THSD7A: variants seen among roughly 807,000 people sequenced by gnomAD.
The protein encoded by THSD7A is thrombospondin type 1 domain containing 7A.
THSD7A carries 96 observed loss-of-function variants against 231.3 expected under a neutral mutation model. That is an observed-to-expected ratio of 0.41 (90% confidence interval 0.35 to 0.49). THSD7A has a LOEUF of 0.49. Among genes scored for constraint, THSD7A ranks in the 20% least tolerant of loss-of-function variants. The pLI is 0.05. For synonymous variants in THSD7A, 940 were observed against 743.3 expected (o/e 1.26, Z -4.30); for missense variants, 2,290 against 2,070.2 (o/e 1.11, Z -2.06).
chr7:11,568,656 C>CAAAAAAAAAAAAAAAAAAAAAAA (rs1562728058), intron 4 of THSD7A, among the ~76,000 whole-genome samples: 1 of 88,622 alleles, frequency 1.1e-5, no homozygotes, highest in Non-Finnish European at 2.2e-5. Flanking sequence ...AAAAAAAAAC[C>CAAAAAAAAAAAAAAAAAAAAAAA]AAAATCTGGA....
At chr7:11,479,899 A>G (rs900062810) in intron 7 of THSD7A, among the ~76,000 whole-genome samples, 7 of 152,086 alleles carry the variant, frequency 4.6e-5, no homozygotes, top group African/African-American at 7.2e-5. Context: ...TATATATTTC[A>G]AAATAGCTGG....
chr7:11,375,692 A>G lies in THSD7A; in HGVS notation c.*102T>C. On this transcript the variant is annotated 3_prime_UTR_variant, in exon 28 of 28. Transcript: ENST00000423059. ...TTTATGATGCCATTTTTAAAAATTA[A>G]AATATATTTTAATCCACACAGTTTG... is the stretch of plus-strand genomic sequence containing the variant. 1.0e-6 allele frequency: 1 copy of G among 970,220 alleles called. No individual in the cohort carries two copies. Among genetic ancestry groups the G allele is most frequent in the Non-Finnish European group, 1.6e-6 (1 of 635,874 alleles). The allele number at this position is 970,220 out of a possible 1,614,324, so 60.1% of individuals were successfully genotyped here.
intron 16 of THSD7A, among the ~76,000 whole-genome samples, chr7:11,418,379 T>C (rs1164371385): frequency 6.6e-6 from 1 of 152,166 alleles, no homozygotes; most frequent in Non-Finnish European, 1.5e-5. Flanking sequence ...CTAATTAACA[T>C]GGCTACTATC....
intron 6 of THSD7A, among the ~76,000 whole-genome samples, chr7:11,518,404 G>A (rs1583892237): frequency 6.6e-6 from 1 of 152,130 alleles, no homozygotes; most frequent in Non-Finnish European, 1.5e-5. Flanking sequence ...AAGGGTAGGA[G>A]AGTGTACTCT....
intron 1 of THSD7A, among the ~76,000 whole-genome samples, chr7:11,638,975 T>C (rs147333401): frequency 6.6e-6 from 1 of 152,164 alleles, no homozygotes; most frequent in African/African-American, 2.4e-5. Context: ...TATAAAATTT[T>C]CTAATTAATT....
At chr7:11,765,378 A>T (rs768946075) in intron 1 of THSD7A, among the ~76,000 whole-genome samples, 14 of 152,210 alleles carry the variant, frequency 9.2e-5, no homozygotes, top group Non-Finnish European at 1.9e-4. Context: ...TGTGTTAATG[A>T]GATATACTAG....
chr7:11,499,805 A>C, intron 6 of THSD7A, among the ~76,000 whole-genome samples: 1 of 152,208 alleles, frequency 6.6e-6, no homozygotes, highest in South Asian at 2.1e-4. Flanking sequence ...AACATCTGCG[A>C]AGTATGGGAT....
At chr7:11,821,912 T>C (rs1167734001) in intron 1 of THSD7A, among the ~76,000 whole-genome samples, 1 of 152,186 alleles carries the variant, frequency 6.6e-6, no homozygotes, top group Non-Finnish European at 1.5e-5. Flanking sequence ...AAATAACAAC[T>C]AGCTCAACAG....
chr7:11,794,506 C>A (rs112026510), intron 1 of THSD7A, among the ~76,000 whole-genome samples: 82 of 151,924 alleles, frequency 5.4e-4, no homozygotes, highest in Admixed American at 8.5e-4. Context: ...TTCTCTCCCC[C>A]CTGCCTCTTT....
intron 4 of THSD7A, among the ~76,000 whole-genome samples, chr7:11,565,893 T>G (rs1291033082): frequency 1.3e-5 from 2 of 152,204 alleles, no homozygotes; most frequent in African/African-American, 2.4e-5. Context: ...AGTTGCCAAC[T>G]GAATTGGCAG....
intron 1 of THSD7A, among the ~76,000 whole-genome samples, chr7:11,667,779 A>AT (rs1282870578): frequency 6.6e-6 from 1 of 152,150 alleles, no homozygotes; most frequent in African/African-American, 2.4e-5. Flanking sequence ...CTGTAAATTT[A>AT]TTTTTAACAA....
chr7:11,594,622 A>G (rs1202107412), intron 2 of THSD7A, among the ~76,000 whole-genome samples: 1 of 152,210 alleles, frequency 6.6e-6, no homozygotes, highest in Non-Finnish European at 1.5e-5. Context: ...ACCAAGAAAC[A>G]TAATGAAGCT....
intron 1 of THSD7A, among the ~76,000 whole-genome samples, chr7:11,736,325 T>C (rs999047488): frequency 6.6e-6 from 1 of 151,928 alleles, no homozygotes; most frequent in African/African-American, 2.4e-5. Flanking sequence ...CCAGGCATGG[T>C]GACTCACACA....
At position 11,407,064 on chromosome 7, in the gene THSD7A, G is replaced by T. The variant is rs773909108; in HGVS notation, c.3917-9C>A. ...TCTTCGGATCATTTTTCCTTGAAGAGATACAAAGTGATGCACCTTTAATAT... is the reference window on the plus strand; with the variant it reads ...TCTTCGGATCATTTTTCCTTGAAGATATACAAAGTGATGCACCTTTAATAT... On this transcript the variant is annotated splice_polypyrimidine_tract_variant and intron_variant, in intron 20 of 27. Transcript: ENST00000423059. The T allele has an allele frequency of 6.2e-7, 1 of 1,613,274 alleles. No individual in the cohort carries two copies. The highest frequency in any genetic ancestry group is 8.5e-7 in the Non-Finnish European group (1 of 1,179,678).
At chr7:11,653,601 C>G (rs1252133647) in intron 1 of THSD7A, among the ~76,000 whole-genome samples, 2 of 151,700 alleles carry the variant, frequency 1.3e-5, no homozygotes, top group East Asian at 1.9e-4. Context: ...TAAGCTCAAT[C>G]AATCCTGCCT....
At position 11,636,338 on chromosome 7, in the gene THSD7A, T is replaced by C. The variant is rs1171611049; in HGVS notation, c.814A>G (p.Arg272Gly). Reference protein sequence around the residue: ...TCSMPHSRQVRQARRRGKNKE... With the variant: ...TCSMPHSRQVGQARRRGKNKE... ...TTCTTCCCGCGTCTCCTTGCTTGTC[T>C]TACTTGTCGGGAGTGGGGCATTGAG... Residue 272 changes from arginine to glycine, a missense_variant, in exon 2 of 28, where the codon AGA becomes GGA. Physicochemically the swap from Arg to Gly is moderately radical, Grantham distance 125 (BLOSUM62 -2). Coordinates refer to ENST00000423059, the MANE Select transcript of THSD7A (RefSeq NM_015204.3). The surrounding 1 kb of genome is among the most constrained non-coding windows in gnomAD (Gnocchi z 10.0). 13 of 1,613,956 alleles carry C rather than the reference T, an allele frequency of 8.1e-6. No homozygotes were observed. The highest frequency in any genetic ancestry group is 9.3e-6 in the Non-Finnish European group (11 of 1,179,898).
At chr7:11,787,144 G>C (rs371551994) in intron 1 of THSD7A, among the ~76,000 whole-genome samples, 2 of 152,014 alleles carry the variant, frequency 1.3e-5, no homozygotes, top group South Asian at 4.1e-4. Context: ...TGAAATCAAA[G>C]TGAGCAATAT....
chr7:11,398,724 T>C (rs1306674906), intron 23 of THSD7A, among the ~76,000 whole-genome samples: 1 of 152,154 alleles, frequency 6.6e-6, no homozygotes, highest in African/African-American at 2.4e-5. Context: ...CACACAGATA[T>C]TATCTTTTGC....
chr7:11,715,195 T>C (rs1299692529), intron 1 of THSD7A, among the ~76,000 whole-genome samples: 2 of 151,486 alleles, frequency 1.3e-5, no homozygotes, highest in South Asian at 2.1e-4. Flanking sequence ...AGAAAAATCA[T>C]ATTGTTTTCC....
Sources: allele counts gnomAD v4.1 joint callset (sites outside exome capture counted in the v4.1 genomes callset), GRCh38; gene constraint gnomAD v4.1.1; non-coding constraint Gnocchi (gnomAD v3.1); transcripts MANE v1.5; gene names NCBI Gene and HGNC (gene_info 2026-07-23, HGNC 2026-07-21).